NTRK3: variants seen among roughly 807,000 people sequenced by gnomAD.
NTRK3 encodes neurotrophic receptor tyrosine kinase 3, also known as NT-3 growth factor receptor.
NTRK3 carries 24 observed loss-of-function variants against 91.7 expected under a neutral mutation model. That is an observed-to-expected ratio of 0.26 (90% CI 0.19 to 0.37). NTRK3 has a LOEUF of 0.37. NTRK3 is among the 10% of genes least tolerant of loss of function. The pLI is 1.00. For missense variants in NTRK3, 880 were observed against 1,068.9 expected, an observed-to-expected ratio of 0.82 and a Z score of 2.46; for synonymous variants, 483 against 404.0, an observed-to-expected ratio of 1.20 and a Z score of -2.34.
At position 87,880,261 on chromosome 15, in the gene NTRK3, C is replaced by T. The variant is rs2141465624; in HGVS notation, c.2292+9G>A. 1 of 1,614,072 alleles carries T rather than the reference C, an allele frequency of 6.2e-7. No individual in the cohort carries two copies. The highest frequency in any genetic ancestry group is 8.5e-7 in the Non-Finnish European group (1 of 1,180,024). ...CCCCAATCAAGATTCCTACGCACCC[C>T]CTTTTTACCTCCGTGTTTGAGAGTT... On this transcript the variant is annotated intron_variant, in intron 18 of 18. Coordinates refer to ENST00000394480, the Ensembl canonical transcript of NTRK3.
intron 3 of NTRK3, among the ~76,000 whole-genome samples, chr15:88,230,428 G>T (rs928436568): frequency 6.6e-6 from 1 of 152,144 alleles, no homozygotes; most frequent in Non-Finnish European, 1.5e-5. Flanking sequence ...GCTGACTATT[G>T]CAAGAAGGGC....
exon 19 of NTRK3, chr15:87,868,919 C>T (rs141124495): frequency 2.7e-5 from 6 of 225,688 alleles, no homozygotes; most frequent in South Asian, 1.8e-4. Context: ...TCCGTCTGTC[C>T]GGCCTAGACG....
At chr15:88,100,397 G>A (rs1002596737) in intron 13 of NTRK3, among the ~76,000 whole-genome samples, 1 of 152,204 alleles carries the variant, frequency 6.6e-6, no homozygotes, top group Admixed American at 6.5e-5. Context: ...GGGGAACCAA[G>A]TATTACATAG....
intron 13 of NTRK3, among the ~76,000 whole-genome samples, chr15:88,104,151 T>G (rs1294139839): frequency 2.0e-5 from 3 of 152,152 alleles, no homozygotes; most frequent in East Asian, 3.9e-4. Flanking sequence ...TAACACTAAG[T>G]TACTGGTTTC....
intron 13 of NTRK3, among the ~76,000 whole-genome samples, chr15:88,093,879 G>A (rs949026843): frequency 2.0e-5 from 3 of 152,058 alleles, no homozygotes; most frequent in African/African-American, 7.2e-5. Flanking sequence ...TGTACATGTT[G>A]TTATCAATTA....
chr15:88,129,539 A>G (rs2053607159), intron 10 of NTRK3, among the ~76,000 whole-genome samples: 1 of 152,236 alleles, frequency 6.6e-6, no homozygotes, highest in Non-Finnish European at 1.5e-5. Context: ...ACTTTAGCAC[A>G]CAACAGAAGC....
chr15:87,945,002 C>A (rs1278568883), intron 14 of NTRK3, among the ~76,000 whole-genome samples: 2 of 152,190 alleles, frequency 1.3e-5, no homozygotes, highest in Admixed American at 1.3e-4. Context: ...GAGGAGAGGG[C>A]ATCAATCTCC....
chr15:88,011,938 C>T (rs148828699), intron 14 of NTRK3, among the ~76,000 whole-genome samples: 5 of 152,280 alleles, frequency 3.3e-5, no homozygotes, highest in African/African-American at 7.2e-5. Context: ...AAATCCCTTA[C>T]GTACATTACC....
intron 13 of NTRK3, among the ~76,000 whole-genome samples, chr15:88,104,159 T>C (rs968623974): frequency 7.2e-5 from 11 of 152,192 alleles, no homozygotes; most frequent in African/African-American, 2.7e-4. Flanking sequence ...AGTTACTGGT[T>C]TCAATATGAC....
At chr15:87,972,920 C>T (rs1324195331) in intron 14 of NTRK3, among the ~76,000 whole-genome samples, 2 of 152,166 alleles carry the variant, frequency 1.3e-5, no homozygotes, top group Admixed American at 6.5e-5. Context: ...GTACCTTCTA[C>T]GTCCCTGTGG....
chr15:87,985,547 T>C (rs1010177449), intron 14 of NTRK3, among the ~76,000 whole-genome samples: 3 of 152,144 alleles, frequency 2.0e-5, no homozygotes, highest in Admixed American at 1.3e-4. Context: ...GGGCCGCCTC[T>C]TCCTATAAAG....
At chr15:88,194,016 TCAC>T (rs1232216524) in intron 3 of NTRK3, among the ~76,000 whole-genome samples, 1 of 152,206 alleles carries the variant, frequency 6.6e-6, no homozygotes, top group Non-Finnish European at 1.5e-5. Flanking sequence ...ACTGTCAAGG[TCAC>T]CAGTGATTTT....
chr15:87,876,831 A>G, exon 19 of NTRK3: 1 of 1,295,082 alleles, frequency 7.7e-7, no homozygotes, highest in Non-Finnish European at 1.1e-6. Context: ...TTATATGAAG[A>G]TGTTCGCTTC....
intron 3 of NTRK3, among the ~76,000 whole-genome samples, chr15:88,236,294 T>C (rs1237259761): frequency 2.6e-5 from 4 of 152,122 alleles, no homozygotes; most frequent in Non-Finnish European, 5.9e-5. Flanking sequence ...TGTGGATGAA[T>C]CTCACAAACA....
chr15:88,102,611 C>T lies in NTRK3; in HGVS notation c.1396+23660G>A, dbSNP rs1268285903. On this transcript the variant is annotated intron_variant, in intron 13 of 18. Coordinates refer to ENST00000394480, the Ensembl canonical transcript of NTRK3. ...ATTACGTGCTTGTATCAAAATTTCA[C>T]ATGTACCCCATAAGTATGTACAACT... Among the ~76,000 whole-genome samples, 5 of 152,126 alleles carry T rather than the reference C, an allele frequency of 3.3e-5. No homozygotes were observed. In the South Asian group the frequency reaches 8.3e-4, roughly 25 times the overall value.
intron 3 of NTRK3, among the ~76,000 whole-genome samples, chr15:88,191,545 C>T (rs570704133): frequency 1.3e-5 from 2 of 152,336 alleles, no homozygotes; most frequent in East Asian, 1.9e-4. Flanking sequence ...CCAGCTAGTG[C>T]CTGCAGAAGC....
intron 14 of NTRK3, chr15:87,977,353 T>C (rs1273451692): frequency 5.3e-6 from 1 of 187,782 alleles, no homozygotes; most frequent in Admixed American, 6.2e-5. Context: ...ATAAGAGGTC[T>C]GATTCAGTCA....
Position 88,122,218 on chromosome 15 carries a change from A to G in NTRK3, c.1396+4053T>C, listed in dbSNP as rs75185492. On this transcript the variant is annotated intron_variant, in intron 13 of 18. Coordinates refer to ENST00000394480, the Ensembl canonical transcript of NTRK3. The stretch of plus-strand genomic sequence containing the variant: ...TGTGTGTCTACATATGGATATACAG[A>G]GACATATGCATATATGTGTACATAT... Among the ~76,000 whole-genome samples, 870 of 152,358 alleles carry G rather than the reference A, an allele frequency of 5.7e-3. 8 individuals carry two copies. The highest frequency in any genetic ancestry group is 0.02 in the African/African-American group (849 of 41,584).
At chr15:88,239,886 T>C (rs1464966104) in intron 3 of NTRK3, among the ~76,000 whole-genome samples, 1 of 152,162 alleles carries the variant, frequency 6.6e-6, no homozygotes, top group Non-Finnish European at 1.5e-5. Context: ...CTGGACTCGA[T>C]GCGAATTCTC....
Sources: gnomAD v4.1 joint callset for allele counts (sites outside exome capture counted in the v4.1 genomes callset) on GRCh38, gnomAD v4.1.1 for gene constraint, MANE v1.5 for transcripts, NCBI Gene and HGNC (gene_info 2026-07-23, HGNC 2026-07-21) for gene names.